ABCC3: variants seen among roughly 807,000 people sequenced by gnomAD.
ABCC3 encodes the protein ATP-binding cassette sub-family C member 3.
Under a neutral mutation model 165.3 loss-of-function variants are expected in ABCC3, and 121 were observed. The observed-to-expected ratio is 0.73, with a 90% confidence interval of 0.63 to 0.85. The LOEUF (loss-of-function observed/expected upper bound fraction) is 0.85, where lower values mean the gene tolerates loss of function less well. ABCC3 is among the 40% of genes least tolerant of loss of function. The probability of loss-of-function intolerance (pLI) is 0.00; values close to 1 mark genes in which losing one functional copy is unlikely to be tolerated. For missense variants in ABCC3, 1,869 were observed against 1,964.1 expected (o/e 0.95, Z 0.92); for synonymous variants, 733 against 810.1 (o/e 0.90, Z 1.62).
At chr17:50,643,296 G>A (rs150316754) in intron 1 of ABCC3, among the ~76,000 whole-genome samples, 4 of 152,366 alleles carry the variant, frequency 2.6e-5, no homozygotes, top group South Asian at 2.1e-4. Flanking sequence ...TGTGTCCTGT[G>A]ACCCAGTGTC....
At chr17:50,637,910 A>G (rs2412333) in intron 1 of ABCC3, among the ~76,000 whole-genome samples, 116,730 of 152,120 alleles carry the variant, frequency 0.77, 45,114 homozygotes, top group East Asian at 1. Flanking sequence ...GGGAGCTGGG[A>G]GCTGTTCCTG....
At chr17:50,664,702 C>CAAAAAAAAAA (rs58513664) in intron 10 of ABCC3, 2 of 47,556 alleles carry the variant, frequency 4.2e-5, no homozygotes, top group Non-Finnish European at 8.7e-5. Flanking sequence ...GACTCTGTCT[C>CAAAAAAAAAA]AAAAAAAAAA....
At chr17:50,637,585 C>A (rs989566041) in intron 1 of ABCC3, among the ~76,000 whole-genome samples, 2 of 152,288 alleles carry the variant, frequency 1.3e-5, no homozygotes, top group Non-Finnish European at 2.9e-5. Flanking sequence ...GGTGTTCAGG[C>A]CCCTCTGGGC....
Position 50,634,908 on chromosome 17 carries a change from C to A in ABCC3, c.-29C>A. On this transcript the variant is annotated 5_prime_UTR_variant, in exon 1 of 31. Transcript: ENST00000285238. ...GCCCGCCGCTGGGTCCGACCGCGCT[C>A]GCCTTCCTTGCAGCCGCGCCTCGGC... is the stretch of plus-strand genomic sequence containing the variant. 1 of 1,252,502 alleles carries A rather than the reference C, an allele frequency of 8.0e-7. No homozygotes were observed. Among genetic ancestry groups the A allele is most frequent in the South Asian group, 3.3e-5 (1 of 30,694 alleles). 77.6% of individuals were successfully genotyped at this position (1,252,502 alleles called of 1,614,324 possible). A position where few individuals can be genotyped will look rare whatever the true frequency, so the allele number is the denominator to read the frequency against.
intron 26 of ABCC3, 33 bp downstream of exon 26, chr17:50,679,932 A>C (rs762830557): frequency 6.4e-7 from 1 of 1,569,768 alleles, no homozygotes. Context: ...GACAGGGGGA[A>C]TCTGAAGTAG....
chr17:50,687,659 C>T lies in ABCC3; in HGVS notation c.4404C>T (p.Ile1468=), dbSNP rs1968047604. 6 of 1,614,264 alleles carry T rather than the reference C, an allele frequency of 3.7e-6. No homozygotes were observed. Among genetic ancestry groups the T allele is most frequent in the Non-Finnish European group, 1.7e-6 (2 of 1,180,046 alleles). The change falls in exon 30 of 31, where the codon ATC becomes ATT. Residue 1468 remains isoleucine, a synonymous_variant. Coordinates refer to ENST00000285238, the MANE Select transcript of ABCC3 (RefSeq NM_003786.4). ...LETDNLIQAT[I]RTQFDTCTVL... ...CTGACAACCTCATCCAGGCTACCAT[C>T]CGCACCCAGTTTGATACCTGCACTG...
At chr17:50,635,613 C>G (rs1468343196) in intron 1 of ABCC3, 1 of 702,500 alleles carries the variant, frequency 1.4e-6, no homozygotes, top group Non-Finnish European at 2.6e-6. Flanking sequence ...TGCAGGGTGT[C>G]AGGATTCCTG....
At chr17:50,659,809 A>T (rs746716595) in intron 7 of ABCC3, among the ~76,000 whole-genome samples, 18 of 152,062 alleles carry the variant, frequency 1.2e-4, no homozygotes, top group Non-Finnish European at 2.4e-4. Context: ...ATATAGTGAG[A>T]CCTTGTCTCT....
At position 50,677,904 on chromosome 17, in the gene ABCC3, C is replaced by A; in HGVS notation, c.3539C>A (p.Ala1180Asp). ...FEIISDTKVD[A>D]NQRSCYPYII... ...ATCATCAGTGATACTAAGGTGGATGCCAACCAGAGAAGCTGCTACCCCTAC... is the reference window on the plus strand; with the variant it reads ...ATCATCAGTGATACTAAGGTGGATGACAACCAGAGAAGCTGCTACCCCTAC... The change falls in exon 24 of 31, where the codon GCC (alanine) becomes GAC (aspartate). Residue 1180 changes from alanine (A) to aspartate (D), a missense_variant. Physicochemically the swap from Ala to Asp is moderately radical, Grantham distance 126. Transcript: ENST00000285238. 2 of 1,614,146 alleles carry A rather than the reference C, an allele frequency of 1.2e-6. No homozygotes were observed. The highest frequency in any genetic ancestry group is 1.3e-5 in the African/African-American group (1 of 75,032).
rs1967725765 is a variant in ABCC3, at chr17:50,673,980, C to CTTTT, written c.2599+323_2599+324insTTTT. 1.2e-3 allele frequency among the ~76,000 whole-genome samples: 11 copies of CTTTT among 9,406 alleles called. 1 individual carries two copies. Among genetic ancestry groups the CTTTT allele is most frequent in the African/African-American group, 6.9e-3 (11 of 1,584 alleles). The allele number at this position is 9,406 out of a possible 152,430, so 6.2% of individuals were successfully genotyped here. On this transcript the variant is annotated intron_variant, in intron 19 of 30. Transcript: ENST00000285238. ...TCTTTCTTTCTTTCTTTCTTTCTTT[C>CTTTT]TCTCTCTCTCTCTCTCTCTCTCTCT...
chr17:50,683,925 G>T, intron 27 of ABCC3, 24 bp from the exon 28 acceptor site: 1 of 1,609,612 alleles, frequency 6.2e-7, no homozygotes. Flanking sequence ...TTCCCCCTCA[G>T]AGCCCCTTCC....
chr17:50,663,403 G>C, intron 8 of ABCC3: 1 of 466,566 alleles, frequency 2.1e-6, no homozygotes, highest in Non-Finnish European at 3.9e-6. Context: ...CAGGAGGTAA[G>C]AAGGCAGGCA....
intron 4 of ABCC3, among the ~76,000 whole-genome samples, chr17:50,657,763 T>C (rs1028193341): frequency 1.3e-5 from 2 of 152,184 alleles, no homozygotes; most frequent in Non-Finnish European, 2.9e-5. Context: ...CGCTGAAACC[T>C]TTGGAGCCTC....
Position 50,656,832 on chromosome 17 carries a change from G to A in ABCC3, c.348+5G>A. On this transcript the variant is annotated splice_donor_5th_base_variant and intron_variant, in intron 3 of 30. Coordinates refer to ENST00000285238, the MANE Select transcript of ABCC3 (RefSeq NM_003786.4). ...TTGGTGGTGGGGGTCACCATGGTCA[G>A]TGTGGGGCCCTGGGAAAGTGGATGG... 1 of 1,600,572 alleles carries A rather than the reference G, an allele frequency of 6.2e-7. No homozygotes were observed. The highest frequency in any genetic ancestry group is 1.3e-5 in the African/African-American group (1 of 74,304).
chr17:50,641,961 C>T (rs1426667312), intron 1 of ABCC3, among the ~76,000 whole-genome samples: 2 of 149,964 alleles, frequency 1.3e-5, no homozygotes, highest in Non-Finnish European at 3.0e-5. Flanking sequence ...GCAGGAGGAT[C>T]GCTTGAGCCC....
Position 50,674,036 on chromosome 17 carries a change from CTT to C in ABCC3, c.2599+380_2599+381del, listed in dbSNP as rs749512583. Among the ~76,000 whole-genome samples, 94 of 23,212 alleles carry C rather than the reference CTT, an allele frequency of 4.0e-3. 30 individuals carry two copies. Among genetic ancestry groups the C allele is most frequent in the Non-Finnish European group, 5.3e-3 (73 of 13,782 alleles). The allele number at this position is 23,212 out of a possible 152,430, so 15.2% of individuals were successfully genotyped here. A position where few individuals can be genotyped will look rare whatever the true frequency, so the allele number is the denominator to read the frequency against. ...TCTCTCTCTCTCTCTCTCTCTCTCT[CTT>C]TCTTTCTTTCTTTCTTTCTTTCTTT... On this transcript the variant is annotated intron_variant, in intron 19 of 30. Transcript: ENST00000285238.
At chr17:50,676,764 A>G (rs1340387826) in intron 23 of ABCC3, among the ~76,000 whole-genome samples, 176 bp downstream of exon 23, 1 of 152,072 alleles carries the variant, frequency 6.6e-6, no homozygotes, top group Non-Finnish European at 1.5e-5. Context: ...TTTGAAACTC[A>G]TTTGCCTCAC....
At chr17:50,690,668 A>G (rs539936799) in intron 30 of ABCC3, among the ~76,000 whole-genome samples, 2 of 152,256 alleles carry the variant, frequency 1.3e-5, no homozygotes, top group African/African-American at 2.4e-5. Flanking sequence ...TTTGCAGCCC[A>G]AGCCCCAGAT....
chr17:50,669,996 A>G (rs1967613705), intron 17 of ABCC3, among the ~76,000 whole-genome samples: 1 of 151,840 alleles, frequency 6.6e-6, no homozygotes, highest in Non-Finnish European at 1.5e-5. Flanking sequence ...GCGTCTTGCC[A>G]TGTCGCCCAG....
Sources: allele counts gnomAD v4.1 joint callset (sites outside exome capture counted in the v4.1 genomes callset), GRCh38; gene constraint gnomAD v4.1.1; transcripts MANE v1.5; gene names NCBI Gene and HGNC (gene_info 2026-07-23, HGNC 2026-07-21).